The following SYCP1 variants were observed in gnomAD, a reference collection of about 807,000 sequenced individuals.
SYCP1 encodes synaptonemal complex protein 1.
A neutral mutation model predicts 153.1 loss-of-function variants in SYCP1; 64 were observed. The observed-to-expected ratio is 0.42, with a 90% CI of 0.34 to 0.51. The LOEUF (loss-of-function observed/expected upper bound fraction) is 0.51, where lower values mean the gene tolerates loss of function less well. Ranked by LOEUF, SYCP1 falls within the 20% of genes least tolerant of loss-of-function variation. The pLI is 0.06. For missense variants in SYCP1, 997 were observed against 1,049.0 expected, an observed-to-expected ratio of 0.95 and a Z score of 0.68; for synonymous variants, 384 against 341.8, an observed-to-expected ratio of 1.12 and a Z score of -1.36.
In SYCP1 at chr1:114,926,565, T is replaced by C; in HGVS notation, c.1926+2T>C. ...CAACTGAATGTTTATGAGATAAAGG[T>C]ATTTGGCATCTTTATTTTTGTTTTT... On this transcript the variant is annotated splice_donor_variant, in intron 23 of 31. Coordinates refer to ENST00000369522, the MANE Select transcript of SYCP1 (RefSeq NM_003176.4). LOFTEE classifies it high-confidence loss of function. 1.3e-6 allele frequency: 2 copies of C among 1,591,024 alleles called. No homozygotes were observed. Among genetic ancestry groups the C allele is most frequent in the South Asian group, 1.2e-5 (1 of 85,752 alleles).
At chr1:114,890,804 C>T (rs1666657010) in intron 15 of SYCP1, among the ~76,000 whole-genome samples, 1 of 152,194 alleles carries the variant, frequency 6.6e-6, no homozygotes, top group African/African-American at 2.4e-5. Flanking sequence ...TAACACCTAA[C>T]TCATAAAATA....
At chr1:114,866,647 C>A (rs1426228398) in intron 8 of SYCP1, among the ~76,000 whole-genome samples, 1 of 152,018 alleles carries the variant, frequency 6.6e-6, no homozygotes, top group Non-Finnish European at 1.5e-5. Context: ...GACATTTTCT[C>A]CCAGTCTGCG....
chr1:114,884,112 C>T (rs1028017484), intron 12 of SYCP1, among the ~76,000 whole-genome samples: 2 of 152,116 alleles, frequency 1.3e-5, no homozygotes, highest in Non-Finnish European at 2.9e-5. Flanking sequence ...GCTTAACATC[C>T]TTTATTGTTT....
intron 15 of SYCP1, among the ~76,000 whole-genome samples, chr1:114,894,690 A>G (rs1466260972): frequency 6.6e-6 from 1 of 152,132 alleles, no homozygotes; most frequent in Non-Finnish European, 1.5e-5. Flanking sequence ...AGAGGAAAAA[A>G]TGGGGAGAAG....
chr1:114,926,203 T>G (rs1022118884), intron 21 of SYCP1, 75 bp from the exon 22 acceptor site: 94 of 1,175,662 alleles, frequency 8.0e-5, no homozygotes, highest in Non-Finnish European at 9.6e-5. Context: ...TTATGCAATA[T>G]TTTTATTAGT....
intron 12 of SYCP1, among the ~76,000 whole-genome samples, chr1:114,882,206 A>C (rs1666000655): frequency 1.3e-5 from 2 of 152,010 alleles, no homozygotes; most frequent in South Asian, 4.1e-4. Context: ...ACAAACAAAC[A>C]AACAAACAAA....
At chr1:114,972,817 A>T (rs946920295) in intron 27 of SYCP1, among the ~76,000 whole-genome samples, 1 of 152,144 alleles carries the variant, frequency 6.6e-6, no homozygotes, top group African/African-American at 2.4e-5. Flanking sequence ...TGGCTAGCAT[A>T]TGGTCTGTCC....
At chr1:114,946,506 G>A (rs1382785219) in intron 26 of SYCP1, 125 bp downstream of exon 26, 4 of 498,440 alleles carry the variant, frequency 8.0e-6, no homozygotes, top group Non-Finnish European at 1.4e-5. Flanking sequence ...ACTCTGAAAG[G>A]GATCTTATAG....
intron 23 of SYCP1, among the ~76,000 whole-genome samples, chr1:114,939,110 A>G (rs1304822474): frequency 1.3e-5 from 2 of 152,170 alleles, no homozygotes; most frequent in Non-Finnish European, 2.9e-5. Flanking sequence ...ATGTTCACCT[A>G]TGTTCATAGC....
chr1:114,938,211 G>A (rs185071410), intron 23 of SYCP1, among the ~76,000 whole-genome samples: 4,422 of 152,230 alleles, frequency 0.029, 97 homozygotes, highest in Non-Finnish European at 0.045. Flanking sequence ...GGAATACTAT[G>A]CAGCCATAAA....
Position 114,871,717 on chromosome 1 carries a change from C to T in SYCP1, c.599-2789C>T, listed in dbSNP as rs567350772. ...CCTCCCGAGTAGCTGGTATTACAGG[C>T]GTGTGCCAATTTTTTTATGTTTAGT... On this transcript the variant is annotated intron_variant, in intron 8 of 31. Coordinates refer to ENST00000369522, the MANE Select transcript of SYCP1 (RefSeq NM_003176.4). Among the ~76,000 whole-genome samples, 7 of 151,982 alleles carry T rather than the reference C, an allele frequency of 4.6e-5. No individual in the cohort carries two copies. In the East Asian group the frequency reaches 7.8e-4, roughly 17 times the overall value.
upstream of SYCP1, among the ~76,000 whole-genome samples, chr1:114,854,302 C>G (rs1041032679): frequency 2.9e-5 from 4 of 138,272 alleles, no homozygotes; most frequent in Non-Finnish European, 6.7e-5. Context: ...CACCACCACA[C>G]CCGGCTATTT....
intron 16 of SYCP1, among the ~76,000 whole-genome samples, chr1:114,899,191 T>A (rs572501902): frequency 1.3e-5 from 2 of 152,206 alleles, no homozygotes; most frequent in Non-Finnish European, 2.9e-5. Flanking sequence ...AAGTTAAGAA[T>A]ACACACAGAT....
intron 16 of SYCP1, among the ~76,000 whole-genome samples, chr1:114,896,953 T>C (rs1667112076): frequency 6.6e-6 from 1 of 152,184 alleles, no homozygotes; most frequent in Non-Finnish European, 1.5e-5. Context: ...TAGCAAGCTT[T>C]CTGCCTCACA....
At chr1:114,867,621 T>C (rs1664850867) in intron 8 of SYCP1, among the ~76,000 whole-genome samples, 2 of 152,288 alleles carry the variant, frequency 1.3e-5, no homozygotes, top group South Asian at 4.1e-4. Context: ...TCGTGTAACC[T>C]TGCTGTAATT....
At chr1:114,856,772 A>G in intron 3 of SYCP1, 115 bp downstream of exon 3, 1 of 760,662 alleles carries the variant, frequency 1.3e-6, no homozygotes, top group Non-Finnish European at 2.0e-6. Context: ...CACAAAAGCT[A>G]GATATAATAC....
chr1:114,858,085 G>A (rs1356530583), intron 5 of SYCP1, among the ~76,000 whole-genome samples: 2 of 151,944 alleles, frequency 1.3e-5, no homozygotes, highest in African/African-American at 2.4e-5. Context: ...AAAAAGGCAG[G>A]AAATCTATAT....
At chr1:114,881,500 TATCC>T (rs2101513959) in intron 12 of SYCP1, among the ~76,000 whole-genome samples, 1 of 66,952 alleles carries the variant, frequency 1.5e-5, no homozygotes, top group Admixed American at 1.5e-4. Context: ...TGGAAGGTAT[TATCC>T]TTCCTTCCTT....
At chr1:114,968,561 A>G (rs747041295) in intron 27 of SYCP1, among the ~76,000 whole-genome samples, 8 of 152,078 alleles carry the variant, frequency 5.3e-5, no homozygotes, top group Non-Finnish European at 8.8e-5. Context: ...TGGTTATTCT[A>G]GTTAGCACTT....
Sources: allele counts gnomAD v4.1 joint callset (sites outside exome capture counted in the v4.1 genomes callset), GRCh38; gene constraint gnomAD v4.1.1; transcripts MANE v1.5; gene names NCBI Gene and HGNC (gene_info 2026-07-23, HGNC 2026-07-21).